The following PDLIM5 variants were observed in gnomAD, a reference collection of about 807,000 sequenced individuals.
The protein encoded by PDLIM5 is PDZ and LIM domain protein 5.
A neutral mutation model predicts 64.2 loss-of-function variants in PDLIM5; 34 were observed. The observed-to-expected ratio is 0.53, with a 90% CI of 0.40 to 0.71. The LOEUF is 0.71. PDLIM5 is among the 30% of genes least tolerant of loss of function. The pLI, the probability that PDLIM5 is intolerant of heterozygous loss-of-function variation, is 0.00. For missense variants in PDLIM5, 683 were observed against 733.6 expected, an observed-to-expected ratio of 0.93 and a Z score of 0.80; for synonymous variants, 253 against 269.1, an observed-to-expected ratio of 0.94 and a Z score of 0.59.
At position 94,645,212 on chromosome 4, in the gene PDLIM5, T is replaced by A. The variant is rs564824568; in HGVS notation, c.1283+4762T>A. ...GAGTTACTTCACTTAGAATAGTAGTTTCTAGTTCCATCCAGGTTGCTGTGA... is the reference window on the plus strand; with the variant it reads ...GAGTTACTTCACTTAGAATAGTAGTATCTAGTTCCATCCAGGTTGCTGTGA... On this transcript the variant is annotated intron_variant, in intron 9 of 12. Coordinates refer to ENST00000317968, the MANE Select transcript of PDLIM5 (RefSeq NM_006457.5). Among the ~76,000 whole-genome samples, 87 of 152,344 alleles carry A rather than the reference T, an allele frequency of 5.7e-4. 1 individual carries two copies. Among genetic ancestry groups the A allele is most frequent in the African/African-American group, 2.1e-3 (86 of 41,570 alleles).
intron 3 of PDLIM5, among the ~76,000 whole-genome samples, chr4:94,567,001 G>T (rs1734378959): frequency 6.6e-6 from 1 of 152,128 alleles, no homozygotes; most frequent in South Asian, 2.1e-4. Context: ...TTGTTTCTTT[G>T]TTTGTTTTAT....
At chr4:94,622,191 T>C (rs1287799763) in intron 8 of PDLIM5, among the ~76,000 whole-genome samples, 3 of 152,086 alleles carry the variant, frequency 2.0e-5, no homozygotes, top group African/African-American at 7.3e-5. Context: ...TAGTCTTAGA[T>C]AAATAGTTTC....
intron 2 of PDLIM5, among the ~76,000 whole-genome samples, chr4:94,500,485 A>G (rs1254017806): frequency 6.6e-6 from 1 of 152,122 alleles, no homozygotes; most frequent in Non-Finnish European, 1.5e-5. Context: ...GGCATTTTTC[A>G]TTTTTTCACT....
At chr4:94,616,038 T>C (rs1738759107) in intron 7 of PDLIM5, among the ~76,000 whole-genome samples, 1 of 152,196 alleles carries the variant, frequency 6.6e-6, no homozygotes, top group East Asian at 1.9e-4. Flanking sequence ...GAATTAAATT[T>C]TGATTCTTTC....
At position 94,665,515 on chromosome 4, in the gene PDLIM5, G is replaced by C; in HGVS notation, c.*1448G>C. The C allele has an allele frequency of 1.3e-6, 1 of 752,798 alleles. No individual in the cohort carries two copies. The highest frequency in any genetic ancestry group is 1.6e-6 in the Non-Finnish European group (1 of 626,720). 46.6% of individuals were successfully genotyped at this position (752,798 alleles called of 1,614,324 possible). A position where few individuals can be genotyped will look rare whatever the true frequency, so the allele number is the denominator to read the frequency against. ...AAAAAAAAAAAAAAAAAGAGAGAGAGAGAATAAATAGAAAAGAATGTGGCT... is the reference window on the plus strand; with the variant it reads ...AAAAAAAAAAAAAAAAAGAGAGAGACAGAATAAATAGAAAAGAATGTGGCT... On this transcript the variant is annotated 3_prime_UTR_variant, in exon 13 of 13. Transcript: ENST00000317968.
intron 9 of PDLIM5, among the ~76,000 whole-genome samples, chr4:94,647,697 C>T (rs1741526268): frequency 6.6e-6 from 1 of 152,084 alleles, no homozygotes; most frequent in South Asian, 2.1e-4. Flanking sequence ...CAGCAGAATC[C>T]AGCAGAATAT....
intron 3 of PDLIM5, among the ~76,000 whole-genome samples, chr4:94,541,270 C>T (rs2510776): frequency 0.52 from 78,862 of 152,052 alleles, 21,490 homozygotes; most frequent in African/African-American, 0.68. Context: ...TTCACACCTG[C>T]CACTGGACTG....
At chr4:94,462,214 G>A (rs1253034409) in intron 2 of PDLIM5, among the ~76,000 whole-genome samples, 1 of 152,078 alleles carries the variant, frequency 6.6e-6, no homozygotes, top group African/African-American at 2.4e-5. Flanking sequence ...AAAGATACAC[G>A]AGCGTATAGG....
intron 5 of PDLIM5, chr4:94,579,618 T>C (rs940017110): frequency 1.6e-5 from 10 of 640,258 alleles, no homozygotes; most frequent in Non-Finnish European, 2.5e-5. Context: ...TTTGCAAAAT[T>C]AAGTTAAATT....
chr4:94,612,727 T>G (rs764671589), intron 7 of PDLIM5, among the ~76,000 whole-genome samples: 1 of 151,996 alleles, frequency 6.6e-6, no homozygotes, highest in Non-Finnish European at 1.5e-5. Flanking sequence ...ATTCTGGGGT[T>G]TCCTGAGGAG....
intron 7 of PDLIM5, among the ~76,000 whole-genome samples, chr4:94,599,450 C>G (rs558746381): frequency 6.6e-6 from 1 of 151,684 alleles, no homozygotes; most frequent in Non-Finnish European, 1.5e-5. Flanking sequence ...CTAATAGAAT[C>G]GAGGGATAGC....
chr4:94,599,728 C>G (rs370126656), intron 7 of PDLIM5, among the ~76,000 whole-genome samples: 2 of 152,096 alleles, frequency 1.3e-5, no homozygotes, highest in African/African-American at 4.8e-5. Context: ...GGAGCTAAAA[C>G]AGTGGGTGAG....
At chr4:94,610,862 A>G (rs1738305953) in intron 7 of PDLIM5, among the ~76,000 whole-genome samples, 1 of 152,196 alleles carries the variant, frequency 6.6e-6, no homozygotes, top group Admixed American at 6.5e-5. Context: ...ATGTTATATT[A>G]ATGAGTAAAG....
intron 2 of PDLIM5, among the ~76,000 whole-genome samples, chr4:94,494,432 G>GGTTTTTTTTTTT (rs1553940971): frequency 0.038 from 2,715 of 70,654 alleles, 540 homozygotes; most frequent in East Asian, 0.078. Context: ...TTTTTTTCTT[G>GGTTTTTTTTTTT]TTTTTTTTTT....
chr4:94,528,907 T>C (rs1730610539), intron 3 of PDLIM5, among the ~76,000 whole-genome samples: 1 of 152,128 alleles, frequency 6.6e-6, no homozygotes, highest in African/African-American at 2.4e-5. Flanking sequence ...AAACTGCAGT[T>C]TCCCAGGGAA....
intron 3 of PDLIM5, among the ~76,000 whole-genome samples, chr4:94,565,920 CAT>C (rs1457615085): frequency 1.3e-5 from 2 of 152,038 alleles, no homozygotes; most frequent in African/African-American, 2.4e-5. Context: ...TACACATAGA[CAT>C]ATATGTATAT....
intron 3 of PDLIM5, among the ~76,000 whole-genome samples, chr4:94,535,490 G>C (rs974481564): frequency 6.6e-6 from 1 of 152,052 alleles, no homozygotes; most frequent in Non-Finnish European, 1.5e-5. Context: ...CTTGGTGAAC[G>C]GCCCCACCAT....
At chr4:94,460,847 G>A (rs1454886410) in intron 2 of PDLIM5, among the ~76,000 whole-genome samples, 1 of 152,068 alleles carries the variant, frequency 6.6e-6, no homozygotes, top group Non-Finnish European at 1.5e-5. Flanking sequence ...TTTGATGTAT[G>A]GGAAATGCTT....
chr4:94,523,928 T>C, intron 3 of PDLIM5, 53 bp downstream of exon 3: 1 of 1,386,840 alleles, frequency 7.2e-7, no homozygotes, highest in South Asian at 1.2e-5. Context: ...GAGGAATGTG[T>C]TTTTGTGTGT....
Sources: gnomAD v4.1 joint callset for allele counts (sites outside exome capture counted in the v4.1 genomes callset) on GRCh38, gnomAD v4.1.1 for gene constraint, MANE v1.5 for transcripts, NCBI Gene and HGNC (gene_info 2026-07-23, HGNC 2026-07-21) for gene names.